Variants in PCDH15 observed in about 807,000 individuals in gnomAD.
PCDH15 encodes protocadherin-15.
Under a neutral mutation model 178.5 loss-of-function variants are expected in PCDH15, and 129 were observed. The observed-to-expected ratio is 0.72, with a 90% confidence interval of 0.63 to 0.84. PCDH15 has a LOEUF of 0.84. Among genes scored for constraint, PCDH15 ranks in the 40% least tolerant of loss-of-function variants. PCDH15 has a pLI of 0.00. For missense variants in PCDH15, 2,230 were observed against 2,099.9 expected, an observed-to-expected ratio of 1.06 and a Z score of -1.21; for synonymous variants, 800 against 732.0, an observed-to-expected ratio of 1.09 and a Z score of -1.50.
At chr10:54,001,329 T>C (rs1488359793) in intron 20 of PCDH15, among the ~76,000 whole-genome samples, 1 of 152,174 alleles carries the variant, frequency 6.6e-6, no homozygotes, top group Non-Finnish European at 1.5e-5. Flanking sequence ...AATATTCTTA[T>C]GTTAAGTAGA....
chr10:54,176,261 G>T (rs1176941938), intron 13 of PCDH15, among the ~76,000 whole-genome samples: 1 of 152,130 alleles, frequency 6.6e-6, no homozygotes. Context: ...GGAACTTACA[G>T]ATCAGTAGGG....
At chr10:53,968,747 G>C (rs1255872313) in intron 21 of PCDH15, among the ~76,000 whole-genome samples, 1 of 152,184 alleles carries the variant, frequency 6.6e-6, no homozygotes, top group Non-Finnish European at 1.5e-5. Flanking sequence ...ACACGGTCTG[G>C]AGTGGACCTC....
chr10:54,573,489 C>A (rs1416503351), intron 2 of PCDH15, among the ~76,000 whole-genome samples: 1 of 152,108 alleles, frequency 6.6e-6, no homozygotes, highest in African/African-American at 2.4e-5. Flanking sequence ...ATAATGCATG[C>A]ATTTTGAATA....
At chr10:54,901,034 C>T (rs182833336) in intron 2 of PCDH15, among the ~76,000 whole-genome samples, 116 of 152,188 alleles carry the variant, frequency 7.6e-4, no homozygotes, top group Admixed American at 1.6e-3. Context: ...AACAAAGCAG[C>T]CAGGTGTGGT....
chr10:54,503,084 A>G (rs549278824), intron 3 of PCDH15, among the ~76,000 whole-genome samples: 4 of 151,326 alleles, frequency 2.6e-5, no homozygotes, highest in African/African-American at 9.7e-5. Flanking sequence ...TTACTTGTTT[A>G]TTTAGGTGTT....
At chr10:55,531,153 T>C (rs1841445689) in intron 2 of PCDH15, among the ~76,000 whole-genome samples, 1 of 152,030 alleles carries the variant, frequency 6.6e-6, no homozygotes, top group African/African-American at 2.4e-5. Flanking sequence ...TTTATTGAAT[T>C]ACAATTTGCT....
At chr10:53,892,020 G>GTTTTTTTTTTT (rs869122093) in intron 26 of PCDH15, among the ~76,000 whole-genome samples, 1 of 91,864 alleles carries the variant, frequency 1.1e-5, no homozygotes, top group African/African-American at 4.3e-5. Context: ...TTACATCTAT[G>GTTTTTTTTTTT]TTTTTTTTTT....
intron 2 of PCDH15, among the ~76,000 whole-genome samples, chr10:54,637,082 G>A (rs774992881): frequency 3.5e-5 from 5 of 144,864 alleles, no homozygotes; most frequent in Non-Finnish European, 6.0e-5. Flanking sequence ...CTATTCCTCT[G>A]TCTGTCCTAC....
chr10:54,571,581 T>C (rs2089849829), intron 2 of PCDH15, among the ~76,000 whole-genome samples: 1 of 152,108 alleles, frequency 6.6e-6, no homozygotes, highest in African/African-American at 2.4e-5. Context: ...TTTAGTGAGC[T>C]ATATTGAGCT....
In PCDH15 at chr10:53,811,546, T is replaced by C. The variant is rs2075865090; in HGVS notation, c.4562+3A>G. The C allele has an allele frequency of 6.6e-7, 1 of 1,516,972 alleles. No homozygotes were observed. The allele number at this position is 1,516,972 out of a possible 1,614,324, so 94.0% of individuals were successfully genotyped here. ...TCTGAATTTTAAAAATCTGAAGATG[T>C]ACCCATGCTCATAACTGTAATAATC... On this transcript the variant is annotated splice_donor_region_variant and intron_variant, in intron 36 of 37. Transcript: ENST00000644397.
intron 2 of PCDH15, among the ~76,000 whole-genome samples, chr10:54,601,582 A>T (rs1233472237): frequency 2.6e-5 from 4 of 151,994 alleles, no homozygotes; most frequent in Non-Finnish European, 5.9e-5. Flanking sequence ...TCACTTTTAC[A>T]CTGTTGGTGG....
intron 2 of PCDH15, among the ~76,000 whole-genome samples, chr10:54,610,222 A>G (rs2092914930): frequency 6.6e-6 from 1 of 151,824 alleles, no homozygotes; most frequent in Non-Finnish European, 1.5e-5. Context: ...AATACTATCT[A>G]TTAGCTCTTA....
At chr10:54,664,382 G>C in intron 1 of PCDH15, 92 bp from the exon 2 acceptor site, 2 of 798,812 alleles carry the variant, frequency 2.5e-6, no homozygotes, top group South Asian at 1.5e-5. Context: ...AAGCCTTAAT[G>C]ACTTCATAGT....
intron 3 of PCDH15, among the ~76,000 whole-genome samples, chr10:54,427,259 T>G (rs1028086897): frequency 4.1e-5 from 6 of 147,864 alleles, no homozygotes; most frequent in Non-Finnish European, 9.0e-5. Flanking sequence ...CATTTCTTTC[T>G]CTTTTTCTGG....
At chr10:54,566,652 T>A (rs2089079995) in intron 2 of PCDH15, among the ~76,000 whole-genome samples, 2 of 152,164 alleles carry the variant, frequency 1.3e-5, no homozygotes, top group African/African-American at 4.8e-5. Context: ...TTTGTTCATG[T>A]CTTTTCAAGG....
chr10:53,813,954 T>TTTTA (rs2075970264), intron 35 of PCDH15, among the ~76,000 whole-genome samples: 1 of 152,112 alleles, frequency 6.6e-6, no homozygotes, highest in Non-Finnish European at 1.5e-5. Flanking sequence ...TGGGCGTAGG[T>TTTTA]TTTATTTCAA....
chr10:54,491,835 T>C (rs1367764915), intron 3 of PCDH15, among the ~76,000 whole-genome samples: 1 of 152,176 alleles, frequency 6.6e-6, no homozygotes, highest in Non-Finnish European at 1.5e-5. Flanking sequence ...AAAGTTTCCC[T>C]ATTTGCTCAT....
intron 3 of PCDH15, among the ~76,000 whole-genome samples, chr10:54,449,225 G>C (rs2076321636): frequency 1.3e-5 from 2 of 151,646 alleles, no homozygotes; most frequent in East Asian, 3.9e-4. Context: ...AGCCCTTTTT[G>C]TTGTGGATTA....
intron 3 of PCDH15, among the ~76,000 whole-genome samples, chr10:54,816,548 A>G (rs1419275911): frequency 6.6e-6 from 1 of 152,018 alleles, no homozygotes; most frequent in Non-Finnish European, 1.5e-5. Context: ...GATATTTTTC[A>G]TGCCCTTTGA....
Sources: allele counts gnomAD v4.1 joint callset (sites outside exome capture counted in the v4.1 genomes callset), GRCh38; gene constraint gnomAD v4.1.1; transcripts MANE v1.5; gene names NCBI Gene and HGNC (gene_info 2026-07-23, HGNC 2026-07-21).